The following RAB11FIP4 variants were observed in gnomAD, a reference collection of about 807,000 sequenced individuals.
The protein encoded by RAB11FIP4 is RAB11 family interacting protein 4.
In RAB11FIP4, 23 loss-of-function variants were observed where a neutral mutation model predicts 74.3. The ratio of observed to expected loss-of-function variants is 0.31; its 90% CI spans 0.22 to 0.44. The LOEUF is 0.44. RAB11FIP4 is among the 20% of genes least tolerant of loss of function. RAB11FIP4 has a pLI of 1.00. For missense variants in RAB11FIP4, 630 were observed against 863.9 expected, an observed-to-expected ratio of 0.73 and a Z score of 3.39; for synonymous variants, 360 against 359.9, an observed-to-expected ratio of 1.00 and a Z score of 0.00.
At chr17:31,409,527 G>T (rs766687065) in intron 1 of RAB11FIP4, among the ~76,000 whole-genome samples, 22 of 152,142 alleles carry the variant, frequency 1.4e-4, no homozygotes, top group Non-Finnish European at 2.1e-4. Context: ...GAAAATCAGG[G>T]TGCACTTACC....
At chr17:31,483,729 A>G (rs2071873625) in intron 3 of RAB11FIP4, among the ~76,000 whole-genome samples, 1 of 152,186 alleles carries the variant, frequency 6.6e-6, no homozygotes, top group African/African-American at 2.4e-5. Context: ...GGTTGGCATC[A>G]GTTGCTTGGC....
chr17:31,482,791 G>A (rs2142740190), intron 3 of RAB11FIP4, among the ~76,000 whole-genome samples: 2 of 152,210 alleles, frequency 1.3e-5, no homozygotes, highest in Middle Eastern at 6.8e-3. Context: ...TCCTGAGCGT[G>A]GAGTCAATGG....
chr17:31,442,776 G>A (rs553394574), intron 3 of RAB11FIP4, among the ~76,000 whole-genome samples: 19 of 152,078 alleles, frequency 1.2e-4, no homozygotes, highest in African/African-American at 4.1e-4. Context: ...CCTGACCAAC[G>A]TGGTGAAACC....
At chr17:31,513,163 G>C (rs893795289) in intron 3 of RAB11FIP4, among the ~76,000 whole-genome samples, 1 of 152,174 alleles carries the variant, frequency 6.6e-6, no homozygotes, top group Non-Finnish European at 1.5e-5. Flanking sequence ...ATGCTCAACA[G>C]GGGGCTCCGC....
intron 3 of RAB11FIP4, among the ~76,000 whole-genome samples, chr17:31,493,584 T>A (rs765934748): frequency 6.6e-6 from 1 of 152,136 alleles, no homozygotes; most frequent in South Asian, 2.1e-4. Flanking sequence ...CTCCCTCGTT[T>A]TCCTGGAAGA....
At chr17:31,430,262 G>C (rs1243076771) in intron 1 of RAB11FIP4, among the ~76,000 whole-genome samples, 1 of 151,980 alleles carries the variant, frequency 6.6e-6, no homozygotes, top group African/African-American at 2.4e-5. Context: ...AGTGCAGCTA[G>C]AGTACAGTGA....
intron 3 of RAB11FIP4, among the ~76,000 whole-genome samples, chr17:31,493,139 AG>A (rs1157018505): frequency 6.6e-6 from 1 of 152,254 alleles, no homozygotes; most frequent in Non-Finnish European, 1.5e-5. Flanking sequence ...ACTGACCTTA[AG>A]AAATGGGAAG....
Position 31,536,039 on chromosome 17 carries a change from G to GT in RAB11FIP4, c.*4307_*4308insT, listed in dbSNP as rs1341040800. On this transcript the variant is annotated 3_prime_UTR_variant, in exon 15 of 15. Coordinates refer to ENST00000621161, the MANE Select transcript of RAB11FIP4 (RefSeq NM_032932.6). ...CTGGTGCTGGTGTTCAGGGGAGTTGGGGGGGGGGGGCGCGGGGACAGAAGC... is the reference window on the plus strand; with the variant it reads ...CTGGTGCTGGTGTTCAGGGGAGTTGGTGGGGGGGGGGCGCGGGGACAGAAGC... The GT allele has an allele frequency of 3.7e-5, 1 of 26,886 alleles. No individual in the cohort carries two copies. Among genetic ancestry groups the GT allele is most frequent in the African/African-American group, 2.3e-4 (1 of 4,416 alleles). 1.7% of individuals were successfully genotyped at this position (26,886 alleles called of 1,614,324 possible).
chr17:31,527,780 C>A, intron 10 of RAB11FIP4, 62 bp from the exon 11 acceptor site: 1 of 1,255,438 alleles, frequency 8.0e-7, no homozygotes, highest in Non-Finnish European at 1.1e-6. Flanking sequence ...TGCAGACTGG[C>A]AGGCGCTTAT....
chr17:31,408,446 C>T (rs2071062439), intron 1 of RAB11FIP4, among the ~76,000 whole-genome samples: 1 of 152,150 alleles, frequency 6.6e-6, no homozygotes, highest in South Asian at 2.1e-4. Flanking sequence ...TTTATTACTG[C>T]TGAGAATTAA....
At chr17:31,515,449 C>T (rs1248312048) in intron 3 of RAB11FIP4, among the ~76,000 whole-genome samples, 1 of 110,722 alleles carries the variant, frequency 9.0e-6, no homozygotes, top group East Asian at 2.1e-4. Flanking sequence ...GAACCAGGCT[C>T]ATGATAATAT....
In RAB11FIP4 at chr17:31,521,303, C is replaced by T; in HGVS notation, c.701C>T (p.Pro234Leu). The T allele has an allele frequency of 6.2e-7, 1 of 1,613,980 alleles. No homozygotes were observed. The highest frequency in any genetic ancestry group is 8.5e-7 in the Non-Finnish European group (1 of 1,179,928). Residue 234 changes from proline (P) to leucine (L), a missense_variant, in exon 5 of 15, where the codon CCC (proline) becomes CTC (leucine). By Grantham distance (98) the Pro-to-Leu change is moderately conservative. Coordinates refer to ENST00000621161, the MANE Select transcript of RAB11FIP4 (RefSeq NM_032932.6). ...GACTGTGCCCCCAGCAGCCCTTGCCCCGATGATGAGACCAGGACCAACGTC... is the reference window on the plus strand; with the variant it reads ...GACTGTGCCCCCAGCAGCCCTTGCCTCGATGATGAGACCAGGACCAACGTC... Reference protein sequence around the residue: ...DVDCAPSSPCPDDETRTNVYS... With the variant: ...DVDCAPSSPCLDDETRTNVYS...
chr17:31,418,656 G>T (rs1241977601), intron 1 of RAB11FIP4, among the ~76,000 whole-genome samples: 1 of 151,926 alleles, frequency 6.6e-6, no homozygotes, highest in Non-Finnish European at 1.5e-5. Context: ...GCAGAGACAG[G>T]GTTTTGCCAT....
In RAB11FIP4 at chr17:31,535,048, A is replaced by G. The variant is rs2072935191; in HGVS notation, c.*3316A>G. 6.5e-6 allele frequency: 1 copy of G among 152,766 alleles called. No homozygotes were observed. Among genetic ancestry groups the G allele is most frequent in the African/African-American group, 2.4e-5 (1 of 41,456 alleles). 9.5% of individuals were successfully genotyped at this position (152,766 alleles called of 1,614,324 possible). A position where few individuals can be genotyped will look rare whatever the true frequency, so the allele number is the denominator to read the frequency against. On this transcript the variant is annotated 3_prime_UTR_variant, in exon 15 of 15. Coordinates refer to ENST00000621161, the MANE Select transcript of RAB11FIP4 (RefSeq NM_032932.6). ...AATTGGCCAGAGTTTATCCTAGATT[A>G]TTTTATTTTAAATTGGTAGAATTCT... is the stretch of plus-strand genomic sequence containing the variant.
chr17:31,412,161 C>T (rs2071103381), intron 1 of RAB11FIP4, among the ~76,000 whole-genome samples: 1 of 152,180 alleles, frequency 6.6e-6, no homozygotes, highest in Non-Finnish European at 1.5e-5. Flanking sequence ...GCAAGTGAAC[C>T]TAGACAGTTC....
intron 3 of RAB11FIP4, among the ~76,000 whole-genome samples, chr17:31,489,648 G>A (rs926207515): frequency 2.0e-5 from 3 of 152,186 alleles, no homozygotes; most frequent in Non-Finnish European, 2.9e-5. Context: ...TGAATACTGG[G>A]TCTGCTCTGG....
chr17:31,530,211 C>T, intron 13 of RAB11FIP4, 115 bp from the exon 14 acceptor site: 1 of 1,362,844 alleles, frequency 7.3e-7, no homozygotes, highest in South Asian at 1.3e-5. Flanking sequence ...CCGTGACACA[C>T]ACCTGTGGGA....
At chr17:31,491,447 C>CAGG (rs2072006898) in intron 3 of RAB11FIP4, among the ~76,000 whole-genome samples, 1 of 152,134 alleles carries the variant, frequency 6.6e-6, no homozygotes, top group African/African-American at 2.4e-5. Flanking sequence ...TGGGAGTTGG[C>CAGG]AGGAGGAAGA....
intron 1 of RAB11FIP4, among the ~76,000 whole-genome samples, chr17:31,415,272 G>A (rs1384403840): frequency 6.6e-6 from 1 of 152,230 alleles, no homozygotes; most frequent in Non-Finnish European, 1.5e-5. Flanking sequence ...CCCAGGGGGC[G>A]CTCTACGTGG....
Sources: gnomAD v4.1 joint callset for allele counts (sites outside exome capture counted in the v4.1 genomes callset) on GRCh38, gnomAD v4.1.1 for gene constraint, MANE v1.5 for transcripts, NCBI Gene and HGNC (gene_info 2026-07-23, HGNC 2026-07-21) for gene names.